Variants in BRI3 observed in about 807,000 individuals in gnomAD.
BRI3 encodes brain protein I3.
Under a neutral mutation model 12.8 loss-of-function variants are expected in BRI3, and 6 were observed. That is an observed-to-expected ratio of 0.47 (90% CI 0.26 to 0.93). The LOEUF (loss-of-function observed/expected upper bound fraction) is 0.93, where lower values mean the gene tolerates loss of function less well. Among genes scored for constraint, BRI3 ranks in the 40% least tolerant of loss-of-function variants. The pLI is 0.15. For synonymous variants in BRI3, 91 were observed against 76.1 expected (o/e 1.20, Z -1.02); for missense variants, 134 against 171.1 (o/e 0.78, Z 1.21).
downstream of BRI3, among the ~76,000 whole-genome samples, chr7:98,315,044 C>CT (rs1209391620): frequency 1.3e-5 from 2 of 152,210 alleles, no homozygotes; most frequent in African/African-American, 4.8e-5. Context: ...TCTCTGGAAT[C>CT]TTTTCATTGG....
At chr7:98,293,415 G>C, downstream of BRI3, 1 of 1,021,436 alleles carries the variant, frequency 9.8e-7, no homozygotes, top group South Asian at 1.4e-5. Context: ...TTAGAGTTAG[G>C]CCTCTCCACT....
At chr7:98,288,059 C>T (rs1383576468) in intron 2 of BRI3, among the ~76,000 whole-genome samples, 1 of 152,284 alleles carries the variant, frequency 6.6e-6, no homozygotes, top group East Asian at 1.9e-4. Context: ...GGGTGCGGGC[C>T]TCTCCCCTAG....
chr7:98,305,726 TTCC>T (rs1174552338), upstream of BRI3, among the ~76,000 whole-genome samples: 1 of 152,104 alleles, frequency 6.6e-6, no homozygotes. Context: ...CCCGGCCAGT[TTCC>T]TCATTTTTTA....
the BRI3 span, chr7:98,315,625 A>AAAATAAT: frequency 2.7e-3 from 3,005 of 1,130,980 alleles, 65 homozygotes; most frequent in African/African-American, 0.046. Flanking sequence ...AAAAAAAAAA[A>AAAATAAT]AATAATAATA....
chr7:98,319,821 G>C, the BRI3 span, among the ~76,000 whole-genome samples: 1 of 152,194 alleles, frequency 6.6e-6, no homozygotes, highest in Non-Finnish European at 1.5e-5. Flanking sequence ...AAAGTGCTGG[G>C]ATTACAGGCA....
chr7:98,299,162 C>T (rs1800313964), intron 1 of BRI3, among the ~76,000 whole-genome samples: 1 of 151,832 alleles, frequency 6.6e-6, no homozygotes, highest in African/African-American at 2.4e-5. Flanking sequence ...ATTACAGGCG[C>T]CTGCCACCAT....
chr7:98,312,171 C>G, downstream of BRI3: 1 of 1,614,010 alleles, frequency 6.2e-7, no homozygotes, highest in Non-Finnish European at 8.5e-7. Flanking sequence ...GTCTTTATTT[C>G]TTCGATCATA....
chr7:98,295,219 A>G (rs1191181558), downstream of BRI3, among the ~76,000 whole-genome samples: 1 of 152,192 alleles, frequency 6.6e-6, no homozygotes, highest in Admixed American at 6.5e-5. Flanking sequence ...GATGGCCTCC[A>G]CTGCATGTTG....
downstream of BRI3, among the ~76,000 whole-genome samples, chr7:98,296,462 C>T (rs534757326): frequency 1.4e-4 from 21 of 152,174 alleles, no homozygotes; most frequent in Non-Finnish European, 2.8e-4. Context: ...CCCGTCTCTA[C>T]TAAAAATACA....
chr7:98,283,838 AC>A (rs1198959226), intron 2 of BRI3, among the ~76,000 whole-genome samples: 4 of 151,992 alleles, frequency 2.6e-5, no homozygotes, highest in Non-Finnish European at 4.4e-5. Context: ...CTCTGCCCAA[AC>A]CCCTGAACTT....
chr7:98,294,958 C>CT (rs1005607517), downstream of BRI3, among the ~76,000 whole-genome samples: 11 of 152,342 alleles, frequency 7.2e-5, no homozygotes, highest in Middle Eastern at 3.4e-3. Flanking sequence ...GTTTAACACT[C>CT]TTTCCTGCCT....
downstream of BRI3, chr7:98,293,526 G>C (rs1439499536): frequency 6.2e-7 from 1 of 1,613,216 alleles, no homozygotes; most frequent in South Asian, 1.1e-5. Flanking sequence ...TCCTCTCATC[G>C]AATGATGGGT....
chr7:98,305,842 T>A (rs1174565644), upstream of BRI3, among the ~76,000 whole-genome samples: 1 of 152,158 alleles, frequency 6.6e-6, no homozygotes, highest in Non-Finnish European at 1.5e-5. Context: ...TAGTATCTGA[T>A]CTGGAATACG....
chr7:98,316,398 A>C, the BRI3 span, among the ~76,000 whole-genome samples: 2 of 152,206 alleles, frequency 1.3e-5, no homozygotes, highest in African/African-American at 2.4e-5. Context: ...AACACTGATC[A>C]TGGAGAGTCC....
downstream of BRI3, chr7:98,293,441 T>TCA: frequency 7.4e-7 from 1 of 1,350,280 alleles, no homozygotes; most frequent in Non-Finnish European, 1.1e-6. Flanking sequence ...TTCCCGACCG[T>TCA]CAGCACGTGG....
chr7:98,287,772 G>A (rs763137610), intron 2 of BRI3, among the ~76,000 whole-genome samples: 1 of 152,220 alleles, frequency 6.6e-6, no homozygotes, highest in African/African-American at 2.4e-5. Context: ...GGCTGGTGTG[G>A]GCGGGGCCCC....
upstream of BRI3, among the ~76,000 whole-genome samples, chr7:98,303,649 T>A (rs1800517103): frequency 6.6e-6 from 1 of 152,170 alleles, no homozygotes; most frequent in Admixed American, 6.5e-5. Context: ...CGGGAATGGA[T>A]GAACTGGTTC....
chr7:98,291,189 C>T lies in BRI3; in HGVS notation c.324C>T (p.Cys108=). 1 of 1,614,142 alleles carries T rather than the reference C, an allele frequency of 6.2e-7. No homozygotes were observed. The highest frequency in any genetic ancestry group is 8.5e-7 in the Non-Finnish European group (1 of 1,180,050). ...AIILFPFGFI[C]CFALRKRRCP... The stretch of plus-strand genomic sequence containing the variant: ...TCCTCTTCCCCTTTGGGTTCATTTG[C>T]TGTTTTGCCTTGAGGAAGCGACGAT... Residue 108 remains cysteine (C), a synonymous_variant, in exon 3 of 3, where the codon TGC becomes TGT. Coordinates refer to ENST00000297290, the MANE Select transcript of BRI3 (RefSeq NM_015379.5).
chr7:98,304,116 G>C, upstream of BRI3: 2 of 1,407,012 alleles, frequency 1.4e-6, no homozygotes, highest in East Asian at 5.1e-5. Context: ...GCAGAGCAAG[G>C]CGGTCACCAC....
Sources: gnomAD v4.1 joint callset for allele counts (sites outside exome capture counted in the v4.1 genomes callset) on GRCh38, gnomAD v4.1.1 for gene constraint, MANE v1.5 for transcripts, NCBI Gene and HGNC (gene_info 2026-07-23, HGNC 2026-07-21) for gene names.